CACNA1A: variants seen among roughly 807,000 people sequenced by gnomAD.
CACNA1A encodes calcium voltage-gated channel subunit alpha1 A, also known as voltage-dependent P/Q-type calcium channel subunit alpha-1A.
Under a neutral mutation model 262.4 loss-of-function variants are expected in CACNA1A, and 57 were observed. The observed-to-expected ratio is 0.22, with a 90% CI of 0.18 to 0.27. CACNA1A has a LOEUF of 0.27. CACNA1A is among the 10% of genes least tolerant of loss of function. The pLI, the probability that CACNA1A is intolerant of heterozygous loss-of-function variation, is 1.00. For missense variants in CACNA1A, 2,526 were observed against 3,562.8 expected (o/e 0.71, Z 7.41); for synonymous variants, 1,431 against 1,419.3 (o/e 1.01, Z -0.18).
Position 13,371,731 on chromosome 19 carries a change from T to C in CACNA1A, c.588A>G (p.Ala196=), listed in dbSNP as rs1301991287. Residue 196 remains alanine, a synonymous_variant, in exon 4 of 47, where the codon GCA becomes GCG. Coordinates refer to ENST00000360228, the MANE Select transcript of CACNA1A (RefSeq NM_001127222.2). ...GTEFDLRTLR[A]VRVLRPLKLV... ...GCTTGAGCGGCCGCAGCACTCGAAC[T>C]GCCCTCAGCGTCCGTAGGTCAAACT... 6.3e-7 allele frequency: 1 copy of C among 1,581,720 alleles called. No homozygotes were observed. The highest frequency in any genetic ancestry group is 1.2e-5 in the South Asian group (1 of 86,026).
At chr19:13,373,376 A>C (rs1374523714) in intron 3 of CACNA1A, among the ~76,000 whole-genome samples, 1 of 152,204 alleles carries the variant, frequency 6.6e-6, no homozygotes, top group Non-Finnish European at 1.5e-5. Context: ...GTCTGTGGCC[A>C]ACTGGTATCT....
intron 38 of CACNA1A, among the ~76,000 whole-genome samples, chr19:13,223,503 A>G (rs959995022): frequency 1.3e-5 from 2 of 152,070 alleles, no homozygotes; most frequent in Non-Finnish European, 2.9e-5. Flanking sequence ...CCTAGATCTA[A>G]GCTGCCGCCC....
At chr19:13,385,231 T>C (rs1254847818) in intron 3 of CACNA1A, among the ~76,000 whole-genome samples, 63 of 136,214 alleles carry the variant, frequency 4.6e-4, no homozygotes, top group South Asian at 1.8e-3. Flanking sequence ...TCTTTCTTTC[T>C]TTTTTTTTTT....
intron 24 of CACNA1A, chr19:13,275,446 G>A: frequency 4.6e-6 from 1 of 216,506 alleles, no homozygotes; most frequent in African/African-American, 2.3e-5. Flanking sequence ...TAGGGAGGGG[G>A]TCAGAATTCT....
intron 6 of CACNA1A, among the ~76,000 whole-genome samples, chr19:13,358,168 C>G (rs1219374628): frequency 6.6e-6 from 1 of 152,230 alleles, no homozygotes; most frequent in African/African-American, 2.4e-5. Context: ...AGAGCAGCAT[C>G]ATGTTCCATG....
intron 6 of CACNA1A, 143 bp from the exon 7 acceptor site, chr19:13,336,052 C>A: frequency 1.8e-6 from 1 of 565,412 alleles, no homozygotes. Context: ...CTCTGGCATC[C>A]CAGAGGGGGA....
intron 1 of CACNA1A, among the ~76,000 whole-genome samples, chr19:13,497,505 A>T (rs1568709369): frequency 4.8e-5 from 2 of 41,312 alleles, no homozygotes; most frequent in African/African-American, 2.0e-4. Context: ...AAAAAAAAAA[A>T]AAAAAAAAAA....
intron 2 of CACNA1A, among the ~76,000 whole-genome samples, chr19:13,454,190 T>C (rs2060963879): frequency 1.3e-5 from 2 of 151,598 alleles, no homozygotes; most frequent in Admixed American, 6.6e-5. Context: ...TCAGCCCCTC[T>C]GCCCTCCCAG....
At chr19:13,270,095 G>A (rs1431328312) in intron 24 of CACNA1A, among the ~76,000 whole-genome samples, 2 of 152,212 alleles carry the variant, frequency 1.3e-5, no homozygotes, top group East Asian at 1.9e-4. Context: ...GTGAGCCTCC[G>A]TATTCAGGGC....
chr19:13,502,234 A>G (rs1251691090), intron 1 of CACNA1A, among the ~76,000 whole-genome samples: 1 of 151,706 alleles, frequency 6.6e-6, no homozygotes, highest in Non-Finnish European at 1.5e-5. Flanking sequence ...ATGTCACCTG[A>G]TGTCAATGTG....
intron 3 of CACNA1A, among the ~76,000 whole-genome samples, chr19:13,422,593 A>C (rs1044339711): frequency 2.0e-5 from 3 of 152,184 alleles, no homozygotes; most frequent in Admixed American, 6.5e-5. Flanking sequence ...GCTTTGGGCC[A>C]TGCCTGGTAG....
chr19:13,344,268 C>G (rs1252417562), intron 6 of CACNA1A, among the ~76,000 whole-genome samples: 1 of 150,848 alleles, frequency 6.6e-6, no homozygotes, highest in Non-Finnish European at 1.5e-5. Flanking sequence ...ACACGTACCT[C>G]AAGGAGCCAG....
intron 1 of CACNA1A, among the ~76,000 whole-genome samples, chr19:13,494,306 T>C (rs1981243301): frequency 6.6e-6 from 1 of 152,204 alleles, no homozygotes; most frequent in South Asian, 2.1e-4. Context: ...ACATGAGATG[T>C]TCAGTAAATG....
intron 3 of CACNA1A, among the ~76,000 whole-genome samples, chr19:13,376,236 G>A (rs2059402792): frequency 6.6e-6 from 1 of 152,174 alleles, no homozygotes; most frequent in African/African-American, 2.4e-5. Context: ...TAATGTAGAT[G>A]AAATGCCCTA....
rs137954539 is a variant in CACNA1A at position 13,207,129 on chromosome 19, T to C, written c.*184A>G. ...CCGTGGCTGCCCAGGAGGGTCTCTTTTGGCCGAGGGTCTCTGCGGGACACC... is the reference window on the plus strand; with the variant it reads ...CCGTGGCTGCCCAGGAGGGTCTCTTCTGGCCGAGGGTCTCTGCGGGACACC... On this transcript the variant is annotated 3_prime_UTR_variant, in exon 47 of 47. Coordinates refer to ENST00000360228, the MANE Select transcript of CACNA1A (RefSeq NM_001127222.2). This position sits in a 1 kb window ranked among gnomAD's most constrained non-coding sequence, Gnocchi z 5.7. The C allele has an allele frequency of 2.1e-4, 127 of 591,852 alleles. No homozygotes were observed. In the African/African-American group the frequency reaches 2.3e-3, roughly 11 times the overall value. 36.7% of individuals were successfully genotyped at this position (591,852 alleles called of 1,614,324 possible). A position where few individuals can be genotyped will look rare whatever the true frequency, so the allele number is the denominator to read the frequency against.
chr19:13,297,595 G>C (rs1245916631), intron 19 of CACNA1A, among the ~76,000 whole-genome samples: 1 of 152,122 alleles, frequency 6.6e-6, no homozygotes, highest in Non-Finnish European at 1.5e-5. Flanking sequence ...CGGAATGCTT[G>C]AGTTCAGGAG....
chr19:13,242,721 A>G (rs2056111868), intron 31 of CACNA1A, among the ~76,000 whole-genome samples: 1 of 152,180 alleles, frequency 6.6e-6, no homozygotes, highest in East Asian at 1.9e-4. Context: ...TGTCTCCAGC[A>G]CTTATAATCA....
At chr19:13,379,686 G>A (rs1278870311) in intron 3 of CACNA1A, among the ~76,000 whole-genome samples, 2 of 152,164 alleles carry the variant, frequency 1.3e-5, no homozygotes, top group Non-Finnish European at 2.9e-5. Context: ...AACACTTTGG[G>A]AGGCCAAGGC....
chr19:13,245,326 G>A (rs1174540841), intron 30 of CACNA1A, 61 bp from the exon 31 acceptor site: 37 of 1,378,332 alleles, frequency 2.7e-5, no homozygotes, highest in Non-Finnish European at 3.6e-5. Flanking sequence ...GGCCCCCTAG[G>A]CTGGCCGGGT....
Sources: gnomAD v4.1 joint callset for allele counts (sites outside exome capture counted in the v4.1 genomes callset) on GRCh38, gnomAD v4.1.1 for gene constraint, Gnocchi (gnomAD v3.1) non-coding constraint, MANE v1.5 for transcripts, NCBI Gene and HGNC (gene_info 2026-07-23, HGNC 2026-07-21) for gene names.